The following PHC3 variants were observed in gnomAD, a reference collection of about 807,000 sequenced individuals.
PHC3 encodes the protein polyhomeotic homolog 3.
PHC3 carries 13 observed loss-of-function variants against 107.4 expected under a neutral mutation model. That is an observed-to-expected ratio of 0.12 (90% confidence interval 0.08 to 0.19). The LOEUF is 0.19. Among genes scored for constraint, PHC3 ranks in the 10% least tolerant of loss-of-function variants. PHC3 has a pLI of 1.00. For synonymous variants in PHC3, 456 were observed against 427.4 expected (o/e 1.07, Z -0.83); for missense variants, 992 against 1,210.9 (o/e 0.82, Z 2.68).
chr3:170,088,299 G>A lies in PHC3; in HGVS notation c.*8931C>T, dbSNP rs1461150120. 1 of 152,122 alleles carries A rather than the reference G, an allele frequency of 6.6e-6. No individual in the cohort carries two copies. Among genetic ancestry groups the A allele is most frequent in the Non-Finnish European group, 1.5e-5 (1 of 68,004 alleles). 9.4% of individuals were successfully genotyped at this position (152,122 alleles called of 1,614,324 possible). ...AAGGGGAATTAAAAAATTGGTTAAC[G>A]TGTGCTTGAAGCATCCAAAAAACAC... On this transcript the variant is annotated 3_prime_UTR_variant, in exon 15 of 15. Transcript: ENST00000495893.
chr3:170,176,971 A>G, intron 2 of PHC3: 1 of 444,456 alleles, frequency 2.2e-6, no homozygotes, highest in Non-Finnish European at 4.5e-6. Context: ...AATAGAGTGG[A>G]AGGTCCATGC....
chr3:170,103,052 A>C, intron 12 of PHC3, 118 bp from the exon 13 acceptor site: 1 of 1,014,846 alleles, frequency 9.9e-7, no homozygotes, highest in Non-Finnish European at 1.4e-6. Flanking sequence ...ATCATTAATG[A>C]ATGTAAGACC....
intron 14 of PHC3, among the ~76,000 whole-genome samples, chr3:170,101,051 A>C (rs1715386952): frequency 6.6e-6 from 1 of 152,152 alleles, no homozygotes; most frequent in African/African-American, 2.4e-5. Context: ...TAAAAACTAA[A>C]ACTGGTTTCA....
chr3:170,122,515 G>A, intron 9 of PHC3, 76 bp downstream of exon 9: 2 of 1,484,780 alleles, frequency 1.3e-6, no homozygotes, highest in Non-Finnish European at 1.9e-6. Flanking sequence ...AAGGAGGAAA[G>A]GGAAAAAAAT....
At chr3:170,176,519 T>C (rs945852871) in intron 2 of PHC3, among the ~76,000 whole-genome samples, 48 of 152,230 alleles carry the variant, frequency 3.2e-4, no homozygotes, top group African/African-American at 8.9e-4. Context: ...GCAGGTATAA[T>C]AGAAAAAATA....
intron 2 of PHC3, among the ~76,000 whole-genome samples, chr3:170,177,666 ATTTTTTT>A (rs67401455): frequency 2.0e-5 from 2 of 101,968 alleles, no homozygotes; most frequent in African/African-American, 7.8e-5. Flanking sequence ...CACGCCCAGC[ATTTTTTT>A]TTTTTTTTTT....
chr3:170,181,530 G>A (rs1324272966), intron 1 of PHC3, among the ~76,000 whole-genome samples, 172 bp downstream of exon 1: 2 of 152,138 alleles, frequency 1.3e-5, no homozygotes, highest in African/African-American at 4.8e-5. Flanking sequence ...CCTAGAGTTC[G>A]TCTTCGCCCC....
At chr3:170,123,717 T>G (rs1275071424) in intron 8 of PHC3, among the ~76,000 whole-genome samples, 4 of 151,394 alleles carry the variant, frequency 2.6e-5, no homozygotes, top group African/African-American at 9.7e-5. Flanking sequence ...CACTTGAACC[T>G]GGGAGGCAGA....
chr3:170,122,277 A>C (rs1031346960), intron 9 of PHC3, among the ~76,000 whole-genome samples: 2 of 152,080 alleles, frequency 1.3e-5, no homozygotes, highest in African/African-American at 4.8e-5. Flanking sequence ...GTTACAATTA[A>C]CTACCATAAC....
rs759228400 is a variant in PHC3 at position 170,106,869 on chromosome 3, G to A, written c.2431C>T (p.Arg811Trp). 20 of 1,611,454 alleles carry A rather than the reference G, an allele frequency of 1.2e-5. No homozygotes were observed. Among genetic ancestry groups the A allele is most frequent in the African/African-American group, 5.3e-5 (4 of 74,778 alleles). The change falls in exon 12 of 15, where the codon CGG becomes TGG. Residue 811 changes from arginine to tryptophan, a missense_variant. Transcript: ENST00000495893. ...GACATAGTGCAGAATCGTTTTGACC[G>A]CAAAAATTCATTAGCATATCCCATT... ...GKMGYANEFL[R>W]SKRFCTMSCA...
rs1051864546 is a variant in PHC3 at position 170,133,575 on chromosome 3, T to C, written c.919+2844A>G. ...TATGAATGGCTTTGAATAACTGCAG[T>C]GTAAGGCTTAAGAAACTTTTAAGTA... is the stretch of plus-strand genomic sequence containing the variant. On this transcript the variant is annotated intron_variant, in intron 7 of 14. Coordinates refer to ENST00000495893, the MANE Select transcript of PHC3 (RefSeq NM_024947.4). Among the ~76,000 whole-genome samples the C allele has an allele frequency of 5.9e-5, 9 of 152,188 alleles. No individual in the cohort carries two copies. In the South Asian group the frequency reaches 1.7e-3, roughly 28 times the overall value.
At chr3:170,164,492 G>C (rs1240404026) in intron 4 of PHC3, among the ~76,000 whole-genome samples, 4 of 152,014 alleles carry the variant, frequency 2.6e-5, no homozygotes, top group Non-Finnish European at 5.9e-5. Flanking sequence ...TAAAAAATAA[G>C]TAAAATGACA....
Position 170,088,014 on chromosome 3 carries a change from T to G in PHC3, c.*9216A>C, listed in dbSNP as rs1425265160. The G allele has an allele frequency of 6.6e-6, 1 of 152,196 alleles. No individual in the cohort carries two copies. Among genetic ancestry groups the G allele is most frequent in the Non-Finnish European group, 1.5e-5 (1 of 68,020 alleles). 9.4% of individuals were successfully genotyped at this position (152,196 alleles called of 1,614,324 possible). A position where few individuals can be genotyped will look rare whatever the true frequency, so the allele number is the denominator to read the frequency against. On this transcript the variant is annotated 3_prime_UTR_variant, in exon 15 of 15. Transcript: ENST00000495893. ...AAAATTAACCTTCATTTTCAGGTTA[T>G]ACATTTTAAAACTGTAGCTATCAAC...
chr3:170,125,997 T>C, intron 8 of PHC3: 1 of 979,668 alleles, frequency 1.0e-6, no homozygotes. Flanking sequence ...TGTTTCCCTT[T>C]CCTAAATAAA....
intron 14 of PHC3, among the ~76,000 whole-genome samples, chr3:170,101,952 A>G (rs1394849841): frequency 6.6e-6 from 1 of 152,186 alleles, no homozygotes; most frequent in African/African-American, 2.4e-5. Flanking sequence ...TTTATTGAAA[A>G]GAATCAAAGA....
chr3:170,156,782 T>C (rs988114092), intron 4 of PHC3, among the ~76,000 whole-genome samples: 18 of 151,556 alleles, frequency 1.2e-4, no homozygotes, highest in African/African-American at 4.1e-4. Context: ...TTTTTAATAG[T>C]AACGGGGTTT....
At chr3:170,101,869 T>C (rs748690608) in intron 14 of PHC3, among the ~76,000 whole-genome samples, 1 of 152,062 alleles carries the variant, frequency 6.6e-6, no homozygotes, top group African/African-American at 2.4e-5. Flanking sequence ...TTACCCTCAA[T>C]ATTAGAATGA....
At chr3:170,114,921 C>T (rs1016542547) in intron 10 of PHC3, among the ~76,000 whole-genome samples, 1 of 152,072 alleles carries the variant, frequency 6.6e-6, no homozygotes, top group African/African-American at 2.4e-5. Flanking sequence ...TTTAATATGC[C>T]TCAAGTGAAA....
chr3:170,134,466 A>G (rs1046948445), intron 7 of PHC3, among the ~76,000 whole-genome samples: 4 of 152,130 alleles, frequency 2.6e-5, no homozygotes, highest in Admixed American at 6.5e-5. Flanking sequence ...CTGGGATTAT[A>G]GATGTGAGCT....
Sources: gnomAD v4.1 joint callset for allele counts (sites outside exome capture counted in the v4.1 genomes callset) on GRCh38, gnomAD v4.1.1 for gene constraint, MANE v1.5 for transcripts, NCBI Gene and HGNC (gene_info 2026-07-23, HGNC 2026-07-21) for gene names.